Variants in TP53INP1 observed in about 807,000 individuals in gnomAD.
TP53INP1 encodes tumor protein p53-inducible nuclear protein 1.
Under a neutral mutation model 21.0 loss-of-function variants are expected in TP53INP1, and 12 were observed. The observed-to-expected ratio is 0.57, with a 90% CI of 0.37 to 0.93. The LOEUF (loss-of-function observed/expected upper bound fraction) is 0.93. Ranked by LOEUF, TP53INP1 falls within the 40% of genes least tolerant of loss-of-function variation. The probability of loss-of-function intolerance (pLI) is 0.01; values close to 1 mark genes in which losing one functional copy is unlikely to be tolerated. For synonymous variants in TP53INP1, 91 were observed against 94.8 expected (o/e 0.96, Z 0.23); for missense variants, 274 against 294.7 (o/e 0.93, Z 0.51).
At position 94,927,560 on chromosome 8, in the gene TP53INP1, C is replaced by A. The variant is rs1266942905; in HGVS notation, c.*2919G>T. 3 of 152,110 alleles carry A rather than the reference C, an allele frequency of 2.0e-5. No homozygotes were observed. The highest frequency in any genetic ancestry group is 4.4e-5 in the Non-Finnish European group (3 of 68,004). The allele number at this position is 152,110 out of a possible 1,614,324, so 9.4% of individuals were successfully genotyped here. A position where few individuals can be genotyped will look rare whatever the true frequency, so the allele number is the denominator to read the frequency against. ...ACTTTGCATCTTTCTGCAAAAAATTCCCCACCCAATCAACCATATAAATGC... is the reference window on the plus strand; with the variant it reads ...ACTTTGCATCTTTCTGCAAAAAATTACCCACCCAATCAACCATATAAATGC... On this transcript the variant is annotated 3_prime_UTR_variant, in exon 4 of 4. Transcript: ENST00000342697.
chr8:94,939,626 G>A (rs887360210), intron 3 of TP53INP1: 10 of 508,480 alleles, frequency 2.0e-5, no homozygotes, highest in African/African-American at 1.9e-4. Flanking sequence ...TTGAACTCCT[G>A]AGCTTAAGTG....
intron 1 of TP53INP1, among the ~76,000 whole-genome samples, chr8:94,948,784 G>A (rs577090123): frequency 1.3e-5 from 2 of 152,222 alleles, no homozygotes; most frequent in African/African-American, 4.8e-5. Flanking sequence ...GTGAGGAGGG[G>A]TGAGAGGAGG....
At chr8:94,939,676 G>T (rs573338471) in intron 3 of TP53INP1, 184 bp downstream of exon 3, 1 of 803,246 alleles carries the variant, frequency 1.2e-6, no homozygotes, top group Non-Finnish European at 1.9e-6. Context: ...GGGATTACAG[G>T]TGTGAGACAC....
chr8:94,939,850 TGTAAC>T lies in TP53INP1; in HGVS notation c.473+5_473+9del. ...GACTGCCTACAGAGAGTTAAATACT[TGTAAC>T]GTACCTGGGACTACTTGGGCTATGT... On this transcript the variant is annotated splice_donor_5th_base_variant and intron_variant, in intron 3 of 3. Transcript: ENST00000342697. 5.0e-6 allele frequency: 8 copies of T among 1,605,166 alleles called. No homozygotes were observed. Among genetic ancestry groups the T allele is most frequent in the Non-Finnish European group, 6.8e-6 (8 of 1,174,664 alleles).
chr8:94,935,104 T>G (rs1280866164), intron 3 of TP53INP1, among the ~76,000 whole-genome samples: 1 of 148,810 alleles, frequency 6.7e-6, no homozygotes, highest in Non-Finnish European at 1.5e-5. Flanking sequence ...GGTAGGTAGG[T>G]AGGTAGGTAC....
chr8:94,930,367 T>C lies in TP53INP1; in HGVS notation c.*112A>G. The C allele has an allele frequency of 3.5e-6, 5 of 1,423,132 alleles. No homozygotes were observed. Among genetic ancestry groups the C allele is most frequent in the East Asian group, 2.3e-5 (1 of 43,552 alleles). 88.2% of individuals were successfully genotyped at this position (1,423,132 alleles called of 1,614,324 possible). The stretch of plus-strand genomic sequence containing the variant: ...GTGTCTAAATACACTGATAAAACTA[T>C]GTGATTGGTTATCAATTGGTTGTAA... On this transcript the variant is annotated 3_prime_UTR_variant, in exon 4 of 4. Coordinates refer to ENST00000342697, the MANE Select transcript of TP53INP1 (RefSeq NM_033285.4).
chr8:94,942,207 C>T lies in TP53INP1; in HGVS notation c.-150-1116G>A, dbSNP rs544396220. ...GCCCACCACCACATCCGGCTAATTT[C>T]TTTTTTTTTTATTTAGTGGAGACAG... On this transcript the variant is annotated intron_variant, in intron 1 of 3. Coordinates refer to ENST00000342697, the MANE Select transcript of TP53INP1 (RefSeq NM_033285.4). Among the ~76,000 whole-genome samples the T allele has an allele frequency of 4.9e-3, 723 of 148,782 alleles. 9 individuals are homozygous for T. The highest frequency in any genetic ancestry group is 0.017 in the African/African-American group (694 of 40,642).
intron 1 of TP53INP1, among the ~76,000 whole-genome samples, chr8:94,946,573 T>G (rs1014673666): frequency 6.6e-6 from 1 of 151,412 alleles, no homozygotes; most frequent in Non-Finnish European, 1.5e-5. Flanking sequence ...GGTATGTGCA[T>G]GTAGTCCCAG....
chr8:94,927,334 C>T lies in TP53INP1; in HGVS notation c.*3145G>A, dbSNP rs1260278434. 1.3e-5 allele frequency: 2 copies of T among 152,220 alleles called. No individual in the cohort carries two copies. The highest frequency in any genetic ancestry group is 6.6e-5 in the Admixed American group (1 of 15,260). The allele number at this position is 152,220 out of a possible 1,614,324, so 9.4% of individuals were successfully genotyped here. On this transcript the variant is annotated 3_prime_UTR_variant, in exon 4 of 4. Coordinates refer to ENST00000342697, the MANE Select transcript of TP53INP1 (RefSeq NM_033285.4). ...TCAATGAAGACATAATGATTACAAA[C>T]CAGTGTACTATACAGATTTCAGAAG...
chr8:94,943,665 C>A (rs150079448), intron 1 of TP53INP1, among the ~76,000 whole-genome samples: 49 of 152,324 alleles, frequency 3.2e-4, no homozygotes, highest in African/African-American at 1.2e-3. Flanking sequence ...TAATGAGATT[C>A]CTGGTTCAGT....
chr8:94,936,264 A>G (rs1820965116), intron 3 of TP53INP1, among the ~76,000 whole-genome samples: 1 of 152,204 alleles, frequency 6.6e-6, no homozygotes, highest in Non-Finnish European at 1.5e-5. Flanking sequence ...CAGTGCCCAG[A>G]AGAGTTCCAT....
intron 1 of TP53INP1, among the ~76,000 whole-genome samples, chr8:94,947,981 G>T (rs980526915): frequency 1.3e-5 from 2 of 152,118 alleles, no homozygotes; most frequent in South Asian, 4.1e-4. Context: ...TTTCAGTATC[G>T]TGGGGGAACT....
At chr8:94,932,473 G>C (rs1052854349) in intron 3 of TP53INP1, among the ~76,000 whole-genome samples, 2 of 152,216 alleles carry the variant, frequency 1.3e-5, no homozygotes, top group South Asian at 2.1e-4. Flanking sequence ...GGTAACACCT[G>C]ATTTCCACCT....
intron 3 of TP53INP1, among the ~76,000 whole-genome samples, chr8:94,932,917 T>A (rs531932425): frequency 4.1e-4 from 62 of 152,310 alleles, no homozygotes; most frequent in African/African-American, 1.5e-3. Context: ...AGGATTCACA[T>A]AAAATTCAGT....
intron 1 of TP53INP1, among the ~76,000 whole-genome samples, chr8:94,947,565 G>T (rs975131163): frequency 2.0e-5 from 3 of 152,134 alleles, no homozygotes; most frequent in African/African-American, 7.2e-5. Context: ...ATTTAAAATG[G>T]ATTTTGAACT....
chr8:94,946,006 C>T (rs1484673736), intron 1 of TP53INP1, among the ~76,000 whole-genome samples: 3 of 152,132 alleles, frequency 2.0e-5, no homozygotes, highest in African/African-American at 7.2e-5. Flanking sequence ...CAATTATAAA[C>T]TGAACAAAAC....
At chr8:94,932,064 A>G (rs1820462810) in intron 3 of TP53INP1, 1 of 1,609,098 alleles carries the variant, frequency 6.2e-7, no homozygotes, top group Non-Finnish European at 8.5e-7. Context: ...AAGTGAATAT[A>G]CTTACTCTGT....
intron 1 of TP53INP1, among the ~76,000 whole-genome samples, chr8:94,942,569 A>C (rs895079815): frequency 6.6e-6 from 1 of 152,248 alleles, no homozygotes; most frequent in African/African-American, 2.4e-5. Flanking sequence ...TCCTCAGTCC[A>C]GGTCAACTAT....
At chr8:94,938,509 T>C (rs751263930) in intron 3 of TP53INP1, among the ~76,000 whole-genome samples, 2 of 152,226 alleles carry the variant, frequency 1.3e-5, no homozygotes, top group Non-Finnish European at 1.5e-5. Flanking sequence ...TGGGATGTGG[T>C]CACTATAAAG....
Sources: allele counts gnomAD v4.1 joint callset (sites outside exome capture counted in the v4.1 genomes callset), GRCh38; gene constraint gnomAD v4.1.1; transcripts MANE v1.5; gene names NCBI Gene and HGNC (gene_info 2026-07-23, HGNC 2026-07-21).